RYR3: variants seen among roughly 807,000 people sequenced by gnomAD.
The protein encoded by RYR3 is brain ryanodine receptor-calcium release channel.
RYR3 carries 207 observed loss-of-function variants against 584.3 expected under a neutral mutation model. That is an observed-to-expected ratio of 0.35 (90% CI 0.32 to 0.40). The LOEUF is 0.40. Ranked by LOEUF, RYR3 falls within the 10% of genes least tolerant of loss-of-function variation. The pLI is 1.00. For synonymous variants in RYR3, 2,416 were observed against 2,248.5 expected (o/e 1.07, Z -2.11); for missense variants, 5,616 against 6,089.2 (o/e 0.92, Z 2.59).
At chr15:33,735,851 C>T (rs1008575572) in intron 48 of RYR3, among the ~76,000 whole-genome samples, 2 of 152,196 alleles carry the variant, frequency 1.3e-5, no homozygotes, top group Non-Finnish European at 2.9e-5. Context: ...TCCACCTGTG[C>T]AGCTGCTCAA....
At chr15:33,350,643 C>T (rs1567074737) in intron 1 of RYR3, among the ~76,000 whole-genome samples, 1 of 151,882 alleles carries the variant, frequency 6.6e-6, no homozygotes, top group African/African-American at 2.4e-5. Flanking sequence ...AACTGAACAA[C>T]CTGCTCCTGA....
chr15:33,699,737 C>T lies in RYR3; in HGVS notation c.6283C>T (p.Arg2095Cys), dbSNP rs918904409. 3.7e-6 allele frequency: 6 copies of T among 1,613,654 alleles called. No homozygotes were observed. Among genetic ancestry groups the T allele is most frequent in the Non-Finnish European group, 5.1e-6 (6 of 1,179,776 alleles). The change falls in exon 41 of 104, where the codon CGT becomes TGT. Residue 2095 changes from arginine to cysteine, a missense_variant. Around this residue, in one of 9 missense-constraint regions of RYR3, gnomAD observed 1,280 missense variants for 1,426.2 expected, o/e 0.90. Coordinates refer to ENST00000634891, the MANE Select transcript of RYR3 (RefSeq NM_001036.6). The part of the protein sequence containing the change: ...AFPKMVASCC[R>C]FLCYFCRISR... ...TCCAAAGATGGTTGCTAGCTGCTGC[C>T]GTTTCCTTTGCTATTTCTGTCGAAT...
In RYR3 at chr15:33,816,896, C is replaced by A; in HGVS notation, c.10537C>A (p.Gln3513Lys). 6.2e-7 allele frequency: 1 copy of A among 1,612,700 alleles called. No individual in the cohort carries two copies. Among genetic ancestry groups the A allele is most frequent in the South Asian group, 1.1e-5 (1 of 90,662 alleles). ...TATTAACCTCTTCCTCCATGGCTAT[C>A]AGAGATTTTGGATAGAAACAGAGGA... The part of the protein sequence containing the change: ...RSINLFLHGY[Q>K]RFWIETEEYS... Residue 3513 changes from glutamine to lysine, a missense_variant, in exon 75 of 104, where the codon CAG (glutamine) becomes AAG (lysine). Gln to Lys is a moderately conservative substitution (Grantham distance 53). Transcript: ENST00000634891.
chr15:33,770,296 T>G (rs1342826394), intron 62 of RYR3, among the ~76,000 whole-genome samples: 2 of 152,124 alleles, frequency 1.3e-5, no homozygotes, highest in Non-Finnish European at 2.9e-5. Flanking sequence ...GAATAAGGAC[T>G]ATTAAAGGGA....
At position 33,722,898 on chromosome 15, in the gene RYR3, A is replaced by G; in HGVS notation, c.6800+3A>G. The G allele has an allele frequency of 2.6e-6, 4 of 1,559,522 alleles. No individual in the cohort carries two copies. Among genetic ancestry groups the G allele is most frequent in the Non-Finnish European group, 3.5e-6 (4 of 1,155,712 alleles). On this transcript the variant is annotated splice_donor_region_variant and intron_variant, in intron 44 of 103. Transcript: ENST00000634891. ...TCTCAAGGATACAAAAGAGAAGTGTAAGTGAATGGAATTCCCTTCCGGCAC... is the reference window on the plus strand; with the variant it reads ...TCTCAAGGATACAAAAGAGAAGTGTGAGTGAATGGAATTCCCTTCCGGCAC...
At chr15:33,419,620 T>C (rs1293685289) in intron 1 of RYR3, among the ~76,000 whole-genome samples, 2 of 152,174 alleles carry the variant, frequency 1.3e-5, no homozygotes, top group Non-Finnish European at 2.9e-5. Context: ...AGTACCTTTA[T>C]TTGACAGTGT....
intron 12 of RYR3, among the ~76,000 whole-genome samples, chr15:33,576,059 G>A (rs1048146195): frequency 8.5e-5 from 13 of 152,140 alleles, no homozygotes; most frequent in African/African-American, 2.9e-4. Context: ...GACTGAACCA[G>A]GAAGAAATTG....
At chr15:33,537,833 A>C (rs2055457899) in intron 5 of RYR3, among the ~76,000 whole-genome samples, 1 of 151,976 alleles carries the variant, frequency 6.6e-6, no homozygotes, top group Non-Finnish European at 1.5e-5. Context: ...CTTTGAAAAA[A>C]CTTTAATAGT....
At chr15:33,636,796 T>C (rs995390626) in intron 27 of RYR3, among the ~76,000 whole-genome samples, 1 of 152,216 alleles carries the variant, frequency 6.6e-6, no homozygotes, top group Non-Finnish European at 1.5e-5. Context: ...AAGAAGCTAA[T>C]TCCCTCCCCT....
rs566175988 is a variant in RYR3, at chr15:33,489,368, G to A, written c.172-14263G>A. Among the ~76,000 whole-genome samples, 54 of 152,026 alleles carry A rather than the reference G, an allele frequency of 3.6e-4. 1 individual carries two copies. The highest frequency in any genetic ancestry group is 2.4e-3 in the Admixed American group (36 of 15,268). Reference sequence around the variant, plus strand: ...GCTCCTCTCCCTCCTCCCACCTTTCGCCCTCAAGTAGACCCATGTCTGTTG... The same window carrying A: ...GCTCCTCTCCCTCCTCCCACCTTTCACCCTCAAGTAGACCCATGTCTGTTG... On this transcript the variant is annotated intron_variant, in intron 2 of 103. Transcript: ENST00000634891.
intron 38 of RYR3, among the ~76,000 whole-genome samples, chr15:33,679,312 T>C (rs1453694776): frequency 2.0e-5 from 3 of 152,332 alleles, no homozygotes; most frequent in Admixed American, 6.5e-5. Flanking sequence ...TGTAAATGTT[T>C]AGTGATGTGC....
intron 46 of RYR3, among the ~76,000 whole-genome samples, chr15:33,726,893 CAA>C (rs1048337419): frequency 6.6e-6 from 1 of 152,234 alleles, no homozygotes; most frequent in African/African-American, 2.4e-5. Context: ...CAAAAAACCT[CAA>C]GAGTATAGTT....
chr15:33,624,517 C>A (rs1412317520), intron 20 of RYR3, among the ~76,000 whole-genome samples: 1 of 151,992 alleles, frequency 6.6e-6, no homozygotes, highest in Non-Finnish European at 1.5e-5. Flanking sequence ...AAATAAGGGC[C>A]TAGAAGTAAA....
intron 1 of RYR3, among the ~76,000 whole-genome samples, chr15:33,371,681 A>T (rs1405619833): frequency 6.6e-6 from 1 of 152,206 alleles, no homozygotes; most frequent in Non-Finnish European, 1.5e-5. Flanking sequence ...ATAGACAGAC[A>T]CCTAGCGGGA....
chr15:33,722,149 G>A (rs1311017585), intron 43 of RYR3, among the ~76,000 whole-genome samples: 1 of 152,056 alleles, frequency 6.6e-6, no homozygotes, highest in Non-Finnish European at 1.5e-5. Flanking sequence ...TTCCCCAAAC[G>A]TTAATTGAAG....
At chr15:33,584,189 T>C (rs2058728775) in intron 14 of RYR3, among the ~76,000 whole-genome samples, 1 of 152,098 alleles carries the variant, frequency 6.6e-6, no homozygotes, top group Non-Finnish European at 1.5e-5. Flanking sequence ...AATGAGCCAC[T>C]ACACTCCAGC....
rs780518551 is a variant in RYR3, at chr15:33,613,307, G to A, written c.2289G>A (p.Gln763=). The A allele has an allele frequency of 6.2e-7, 1 of 1,613,882 alleles. No homozygotes were observed. The highest frequency in any genetic ancestry group is 1.3e-5 in the African/African-American group (1 of 74,938). ...ISFRINGQPV[Q]GMFENFNTDG... The stretch of plus-strand genomic sequence containing the variant: ...TCCGCATCAATGGGCAGCCCGTGCA[G>A]GGGATGTTTGAGAACTTCAACACAG... Residue 763 remains glutamine (Q), a synonymous_variant, in exon 19 of 104, where the codon CAG becomes CAA. Transcript: ENST00000634891.
intron 1 of RYR3, among the ~76,000 whole-genome samples, chr15:33,442,065 A>G (rs1315951991): frequency 6.6e-6 from 1 of 152,252 alleles, no homozygotes; most frequent in African/African-American, 2.4e-5. Flanking sequence ...CCAGAGAGAC[A>G]TCAAACCCAG....
chr15:33,685,577 C>G (rs1474120796), intron 38 of RYR3, among the ~76,000 whole-genome samples: 1 of 152,232 alleles, frequency 6.6e-6, no homozygotes, highest in African/African-American at 2.4e-5. Flanking sequence ...GAACTCAGCT[C>G]TGCACCAAGC....
Sources: allele counts gnomAD v4.1 joint callset (sites outside exome capture counted in the v4.1 genomes callset), GRCh38; gene constraint gnomAD v4.1.1; regional missense constraint gnomAD v4.1.1; transcripts MANE v1.5; gene names NCBI Gene and HGNC (gene_info 2026-07-23, HGNC 2026-07-21).